Variants in RXRA observed in about 807,000 individuals in gnomAD.
RXRA encodes retinoid X receptor alpha.
RXRA carries 5 observed loss-of-function variants against 44.5 expected under a neutral mutation model. The ratio of observed to expected loss-of-function variants is 0.11; its 90% CI spans 0.06 to 0.24. RXRA has a LOEUF of 0.24. RXRA is among the 10% of genes least tolerant of loss of function. The pLI, the probability that RXRA is intolerant of heterozygous loss-of-function variation, is 1.00. For missense variants in RXRA, 412 were observed against 646.5 expected, an observed-to-expected ratio of 0.64 and a Z score of 3.93; for synonymous variants, 291 against 271.4, an observed-to-expected ratio of 1.07 and a Z score of -0.71.
At chr9:134,377,015 C>T (rs1423142651) in intron 1 of RXRA, among the ~76,000 whole-genome samples, 4 of 152,206 alleles carry the variant, frequency 2.6e-5, no homozygotes, top group Non-Finnish European at 5.9e-5. Context: ...TGTCCTTGAC[C>T]CGTCAGCCGG....
intron 5 of RXRA, among the ~76,000 whole-genome samples, chr9:134,420,923 T>A (rs1446729045): frequency 6.6e-6 from 1 of 152,208 alleles, no homozygotes; most frequent in Non-Finnish European, 1.5e-5. Context: ...TCTCTGTGCC[T>A]GGGGCCTGGT....
At chr9:134,390,253 T>C (rs1588281943) in intron 1 of RXRA, among the ~76,000 whole-genome samples, 1 of 152,066 alleles carries the variant, frequency 6.6e-6, no homozygotes, top group African/African-American at 2.4e-5. Context: ...CCCCTAGAAG[T>C]GGCCAAGTTC....
intron 1 of RXRA, among the ~76,000 whole-genome samples, chr9:134,359,980 G>A (rs932340493): frequency 6.6e-6 from 1 of 152,232 alleles, no homozygotes; most frequent in Non-Finnish European, 1.5e-5. Context: ...TTCTGGAGCC[G>A]CGGGGGTCCC....
At chr9:134,378,420 A>G (rs1830591888) in intron 1 of RXRA, among the ~76,000 whole-genome samples, 2 of 152,258 alleles carry the variant, frequency 1.3e-5, no homozygotes, top group Admixed American at 1.3e-4. Flanking sequence ...GGCTGTGGCC[A>G]TCTGCCTCCA....
At chr9:134,379,410 G>A in intron 1 of RXRA, 7 of 987,480 alleles carry the variant, frequency 7.1e-6, no homozygotes, top group Non-Finnish European at 8.4e-6. Flanking sequence ...CCTGAGATGG[G>A]GCCTCCCTTC....
intron 1 of RXRA, among the ~76,000 whole-genome samples, chr9:134,399,048 G>A (rs1388255859): frequency 6.6e-6 from 1 of 152,272 alleles, no homozygotes; most frequent in Non-Finnish European, 1.5e-5. Flanking sequence ...GGCTCAGTCT[G>A]TGTGGATTTG....
chr9:134,371,327 C>T (rs942178063), intron 1 of RXRA, among the ~76,000 whole-genome samples: 1 of 152,320 alleles, frequency 6.6e-6, no homozygotes, highest in African/African-American at 2.4e-5. Flanking sequence ...TCGTCTAGAG[C>T]CAGGGTGCTC....
intron 4 of RXRA, among the ~76,000 whole-genome samples, chr9:134,414,831 CG>C (rs577401006): frequency 6.6e-6 from 1 of 152,186 alleles, no homozygotes; most frequent in Admixed American, 6.5e-5. Flanking sequence ...CTTCCTGCCC[CG>C]GGGGCTGCTC....
At position 134,365,145 on chromosome 9, in the gene RXRA, C is replaced by T. The variant is rs1206057121; in HGVS notation, c.29-36487C>T. ...AATGGCTCCGGGGCCACCACAGAGG[C>T]GGCTGTTGCTGGAGGGCTGATGGCA... On this transcript the variant is annotated intron_variant, in intron 1 of 9. Coordinates refer to ENST00000481739, the MANE Select transcript of RXRA (RefSeq NM_002957.6). This position sits in a 1 kb window ranked among gnomAD's most constrained non-coding sequence, Gnocchi z 4.0. Among the ~76,000 whole-genome samples, 2 of 152,204 alleles carry T rather than the reference C, an allele frequency of 1.3e-5. No individual in the cohort carries two copies. The highest frequency in any genetic ancestry group is 6.5e-5 in the Admixed American group (1 of 15,282).
intron 7 of RXRA, 69 bp from the exon 8 acceptor site, chr9:134,431,836 A>C: frequency 3.2e-6 from 4 of 1,233,806 alleles, no homozygotes; most frequent in Non-Finnish European, 4.7e-6. Flanking sequence ...GGCCTTGGGT[A>C]TCTGGGGTGT....
rs76529310 is a variant in RXRA, at chr9:134,336,720, T to C, written c.28+10061T>C. Among the ~76,000 whole-genome samples, 528 of 152,316 alleles carry C rather than the reference T, an allele frequency of 3.5e-3. 6 individuals are homozygous for C. The highest frequency in any genetic ancestry group is 0.029 in the Admixed American group (448 of 15,308). On this transcript the variant is annotated intron_variant, in intron 1 of 9. Transcript: ENST00000481739. The stretch of plus-strand genomic sequence containing the variant: ...GCGGAGCCCACAGTGCCAGGTGCCA[T>C]ATAAGCCTCATGAAGTTTGTGGCAC...
In RXRA at chr9:134,365,280, C is replaced by T. The variant is rs948894531; in HGVS notation, c.29-36352C>T. On this transcript the variant is annotated intron_variant, in intron 1 of 9. Coordinates refer to ENST00000481739, the MANE Select transcript of RXRA (RefSeq NM_002957.6). This position sits in a 1 kb window ranked among gnomAD's most constrained non-coding sequence, Gnocchi z 4.0. ...GAGGATCACAGCCCCAGCCTGCAGG[C>T]GCTCGAGCTGAAAGCCCTCGCCCCT... 2.2e-4 allele frequency among the ~76,000 whole-genome samples: 34 copies of T among 152,214 alleles called. No homozygotes were observed. Among genetic ancestry groups the T allele is most frequent in the African/African-American group, 7.2e-5 (3 of 41,452 alleles).
chr9:134,391,860 C>T (rs745505116), intron 1 of RXRA, among the ~76,000 whole-genome samples: 43 of 152,236 alleles, frequency 2.8e-4, no homozygotes, highest in South Asian at 8.3e-4. Context: ...GGAAACATCT[C>T]GCCTCCTTGA....
In RXRA at chr9:134,343,507, G is replaced by A. The variant is rs890103799; in HGVS notation, c.28+16848G>A. Among the ~76,000 whole-genome samples the A allele has an allele frequency of 6.6e-6, 1 of 152,122 alleles. No homozygotes were observed. The highest frequency in any genetic ancestry group is 1.5e-5 in the Non-Finnish European group (1 of 68,014). ...TGAGTGTTGTATCTCATGGGAAGAA[G>A]CATTTTTTTGGGAGGAGTGGTTGCA... On this transcript the variant is annotated intron_variant, in intron 1 of 9. Transcript: ENST00000481739. This position sits in a 1 kb window ranked among gnomAD's most constrained non-coding sequence, Gnocchi z 4.1.
intron 1 of RXRA, among the ~76,000 whole-genome samples, chr9:134,335,654 C>T (rs1179274625): frequency 6.6e-6 from 1 of 152,160 alleles, no homozygotes; most frequent in Non-Finnish European, 1.5e-5. Context: ...GGAGCTCAGG[C>T]TAGGGGTGGG....
intron 4 of RXRA, among the ~76,000 whole-genome samples, chr9:134,415,217 G>A (rs1413850992): frequency 6.6e-6 from 1 of 152,228 alleles, no homozygotes; most frequent in African/African-American, 2.4e-5. Flanking sequence ...GTTGGCACAG[G>A]GTGGCTGAGA....
intron 1 of RXRA, among the ~76,000 whole-genome samples, chr9:134,391,534 G>A (rs532120229): frequency 5.5e-4 from 84 of 152,356 alleles, no homozygotes; most frequent in Admixed American, 9.1e-4. Flanking sequence ...GTTTCTCCAG[G>A]AATTCCCCTG....
In RXRA at chr9:134,393,482, C is replaced by T. The variant is rs1313097324; in HGVS notation, c.29-8150C>T. ...GTGCCCCTTAGCGCCTGGGGCATCC[C>T]TGGACAGTGGCCGCCATGGGCATCT... On this transcript the variant is annotated intron_variant, in intron 1 of 9. Coordinates refer to ENST00000481739, the MANE Select transcript of RXRA (RefSeq NM_002957.6). Among the ~76,000 whole-genome samples, 5 of 152,228 alleles carry T rather than the reference C, an allele frequency of 3.3e-5. No homozygotes were observed. The East Asian group carries it at 9.6e-4, about 29-fold the overall frequency.
chr9:134,368,504 CAT>C lies in RXRA; in HGVS notation c.29-33127_29-33126del, dbSNP rs1274795087. Reference sequence around the variant, plus strand: ...AGCTGGCTGGCTTTGAGCAAAAAGTCATGTGTGCCGTTCTGTTAGGGTGTGTG... The same window carrying C: ...AGCTGGCTGGCTTTGAGCAAAAAGTCGTGTGCCGTTCTGTTAGGGTGTGTG... On this transcript the variant is annotated intron_variant, in intron 1 of 9. Coordinates refer to ENST00000481739, the MANE Select transcript of RXRA (RefSeq NM_002957.6). Among the ~76,000 whole-genome samples, 3 of 152,290 alleles carry C rather than the reference CAT, an allele frequency of 2.0e-5. No individual in the cohort carries two copies. In the East Asian group the frequency reaches 5.8e-4, roughly 29 times the overall value.
Sources: gnomAD v4.1 joint callset for allele counts (sites outside exome capture counted in the v4.1 genomes callset) on GRCh38, gnomAD v4.1.1 for gene constraint, Gnocchi (gnomAD v3.1) non-coding constraint, MANE v1.5 for transcripts, NCBI Gene and HGNC (gene_info 2026-07-23, HGNC 2026-07-21) for gene names.